Variants in PRH1 observed in about 807,000 individuals in gnomAD.
PRH1 encodes proline rich protein HaeIII subfamily 1.
PRH1 carries 7 observed loss-of-function variants against 7.9 expected under a neutral mutation model. The observed-to-expected ratio is 0.89, with a 90% CI of 0.50 to 1.67. The LOEUF (loss-of-function observed/expected upper bound fraction) is 1.67, where lower values mean the gene tolerates loss of function less well. PRH1 is among the 40% of genes most tolerant of loss of function. The pLI, the probability that PRH1 is intolerant of heterozygous loss-of-function variation, is 0.00. For synonymous variants in PRH1, 45 were observed against 80.8 expected (o/e 0.56, Z 2.38); for missense variants, 109 against 223.6 (o/e 0.49, Z 3.27).
At chr12:11,061,894 A>C in intron 1 of PRH1, 1 of 1,614,058 alleles carries the variant, frequency 6.2e-7, no homozygotes, top group South Asian at 1.1e-5. Context: ...CAAAGGCCCC[A>C]ATAGTATCAC....
At chr12:10,884,014 G>T in intron 1 of PRH1, 140 bp downstream of exon 1, 1 of 969,562 alleles carries the variant, frequency 1.0e-6, no homozygotes. Flanking sequence ...AGGTACAATA[G>T]ATCTTCTGAT....
chr12:11,117,843 G>A (rs1357237441), downstream of PRH1, among the ~76,000 whole-genome samples: 1 of 152,182 alleles, frequency 6.6e-6, no homozygotes, highest in Non-Finnish European at 1.5e-5. Flanking sequence ...AATAAATGGT[G>A]CTGGGACAAC....
At chr12:11,035,883 G>C (rs1942414351) in intron 1 of PRH1, among the ~76,000 whole-genome samples, 1 of 151,934 alleles carries the variant, frequency 6.6e-6, no homozygotes, top group Admixed American at 6.6e-5. Flanking sequence ...TAAATTTTAC[G>C]CTGTTTTTGC....
chr12:11,060,932 A>G (rs1406413309), intron 1 of PRH1, among the ~76,000 whole-genome samples: 1 of 152,288 alleles, frequency 6.6e-6, no homozygotes, highest in African/African-American at 2.4e-5. Context: ...ACACTGTGGT[A>G]TATTTGTGTG....
chr12:11,007,946 G>A (rs926124210), intron 1 of PRH1, among the ~76,000 whole-genome samples: 1 of 152,066 alleles, frequency 6.6e-6, no homozygotes, highest in Non-Finnish European at 1.5e-5. Flanking sequence ...TAGTTTTGGA[G>A]AAGTTTCTTT....
Position 11,060,137 on chromosome 12 carries a change from A to C in PRH1, n.124-12949T>G, listed in dbSNP as rs568119506. On this transcript the variant is annotated intron_variant and non_coding_transcript_variant, in intron 1 of 4. Coordinates refer to the PRH1 transcript ENST00000541977. ...TAAATCACATTTTTAAAATTTCATA[A>C]CACCAAAATTAATACAGTCATGTAG... Among the ~76,000 whole-genome samples, 13 of 152,300 alleles carry C rather than the reference A, an allele frequency of 8.5e-5. No homozygotes were observed. In the East Asian group the frequency reaches 2.5e-3, roughly 29 times the overall value.
chr12:10,939,004 C>T, intron 2 of PRH1: 1 of 1,613,548 alleles, frequency 6.2e-7, no homozygotes, highest in Admixed American at 1.7e-5. Flanking sequence ...AAAACACAGA[C>T]ACACACCAGC....
At chr12:11,103,919 T>C (rs1413497150) in intron 1 of PRH1, among the ~76,000 whole-genome samples, 1 of 152,004 alleles carries the variant, frequency 6.6e-6, no homozygotes, top group Non-Finnish European at 1.5e-5. Context: ...TAATATTTTC[T>C]TTCTACAGTT....
upstream of PRH1, among the ~76,000 whole-genome samples, chr12:10,888,841 C>T (rs189504398): frequency 1.4e-3 from 209 of 152,204 alleles, no homozygotes; most frequent in African/African-American, 4.7e-3. Flanking sequence ...AACCTTACAT[C>T]CCTTTATAAT....
chr12:11,154,762 G>T (rs943706284), intron 1 of PRH1, among the ~76,000 whole-genome samples: 32 of 152,140 alleles, frequency 2.1e-4, no homozygotes, highest in Admixed American at 1.8e-3. Context: ...TAGACAAGGA[G>T]TCTTTTAAAA....
intron 1 of PRH1, among the ~76,000 whole-genome samples, chr12:11,019,901 A>C (rs1429403084): frequency 6.6e-6 from 1 of 152,286 alleles, no homozygotes; most frequent in African/African-American, 2.4e-5. Context: ...AGCAGCTGGC[A>C]CTCACAGGTG....
intron 1 of PRH1, among the ~76,000 whole-genome samples, chr12:11,146,008 A>G (rs1946849171): frequency 1.3e-5 from 2 of 152,168 alleles, no homozygotes; most frequent in Admixed American, 1.3e-4. Flanking sequence ...ATACATGCAT[A>G]TCAAAAAGTA....
intron 1 of PRH1, among the ~76,000 whole-genome samples, chr12:11,075,459 G>A (rs201505920): frequency 3.8e-5 from 4 of 105,246 alleles, no homozygotes; most frequent in African/African-American, 6.3e-5. Flanking sequence ...GTCATACTGA[G>A]GGAGAAAGAG....
intron 1 of PRH1, among the ~76,000 whole-genome samples, chr12:11,161,623 A>G (rs939704617): frequency 6.6e-6 from 1 of 152,196 alleles, no homozygotes; most frequent in African/African-American, 2.4e-5. Context: ...TGGTTTGCAA[A>G]TAAGAATTAA....
intron 2 of PRH1, among the ~76,000 whole-genome samples, chr12:10,900,561 A>G (rs1477939461): frequency 2.0e-5 from 3 of 152,110 alleles, no homozygotes; most frequent in African/African-American, 7.2e-5. Context: ...GCTATCCCCC[A>G]TCACAGGCCT....
intron 1 of PRH1, among the ~76,000 whole-genome samples, chr12:11,038,045 A>C (rs1445317037): frequency 2.6e-5 from 4 of 152,264 alleles, no homozygotes; most frequent in Non-Finnish European, 4.4e-5. Context: ...CTGTCTCAAA[A>C]TAAAAAAAGA....
intron 1 of PRH1, among the ~76,000 whole-genome samples, chr12:11,042,620 A>ATTTTTTTTTTTTTTT (rs1337131350): frequency 2.4e-4 from 22 of 92,942 alleles, no homozygotes; most frequent in Admixed American, 5.8e-4. Context: ...TTCCAGGCTC[A>ATTTTTTTTTTTTTTT]TTCTTTTTTT....
intron 2 of PRH1, among the ~76,000 whole-genome samples, chr12:10,963,110 G>T (rs565396991): frequency 1.4e-5 from 2 of 147,264 alleles, no homozygotes; most frequent in Non-Finnish European, 3.0e-5. Flanking sequence ...TACCAGGAAA[G>T]ATATATAATA....
intron 1 of PRH1, among the ~76,000 whole-genome samples, chr12:11,027,457 C>T (rs75680753): frequency 0.12 from 8,291 of 69,832 alleles, no homozygotes; most frequent in Non-Finnish European, 0.15. Context: ...CTAGACCACA[C>T]GTTGAAACAA....
Sources: allele counts gnomAD v4.1 joint callset (sites outside exome capture counted in the v4.1 genomes callset), GRCh38; gene constraint gnomAD v4.1.1; transcripts MANE v1.5; gene names NCBI Gene and HGNC (gene_info 2026-07-23, HGNC 2026-07-21).